The following GRM7 variants were observed in gnomAD, a reference collection of about 807,000 sequenced individuals.
GRM7 encodes glutamate metabotropic receptor 7, also known as metabotropic glutamate receptor 7.
GRM7 carries 35 observed loss-of-function variants against 84.5 expected under a neutral mutation model. That is an observed-to-expected ratio of 0.41 (90% CI 0.32 to 0.55). GRM7 has a LOEUF of 0.55. Ranked by LOEUF, GRM7 falls within the 20% of genes least tolerant of loss-of-function variation. The pLI is 0.19. For synonymous variants in GRM7, 487 were observed against 455.1 expected, an observed-to-expected ratio of 1.07 and a Z score of -0.89; for missense variants, 1,003 against 1,194.6, an observed-to-expected ratio of 0.84 and a Z score of 2.36.
At position 7,677,624 on chromosome 3, in the gene GRM7, A is replaced by C. The variant is rs1489965548; in HGVS notation, c.2452-2425A>C. Among the ~76,000 whole-genome samples the C allele has an allele frequency of 7.9e-5, 12 of 152,348 alleles. No homozygotes were observed. The East Asian group carries it at 2.1e-3, about 27-fold the overall frequency. On this transcript the variant is annotated intron_variant, in intron 8 of 9. Transcript: ENST00000357716. The stretch of plus-strand genomic sequence containing the variant: ...TTCGAAGTGTCACCAGAGACTGCAA[A>C]ATTTTTTAAATGAAAATCAAAGTCT...
chr3:7,297,747 T>C (rs183728292), intron 2 of GRM7, among the ~76,000 whole-genome samples: 1 of 152,356 alleles, frequency 6.6e-6, no homozygotes, highest in East Asian at 1.9e-4. Flanking sequence ...GTAAGGTTTT[T>C]TACCTGTCTC....
chr3:7,377,486 A>G (rs1694402138), intron 4 of GRM7, among the ~76,000 whole-genome samples: 1 of 152,200 alleles, frequency 6.6e-6, no homozygotes, highest in African/African-American at 2.4e-5. Flanking sequence ...ACGGGATATC[A>G]GTGATGAGAG....
At chr3:7,461,884 A>G (rs1371565829) in intron 7 of GRM7, among the ~76,000 whole-genome samples, 162 bp downstream of exon 7, 1 of 152,166 alleles carries the variant, frequency 6.6e-6, no homozygotes, top group African/African-American at 2.4e-5. Flanking sequence ...AATAATAATG[A>G]TGGTGATGAC....
intron 1 of GRM7, among the ~76,000 whole-genome samples, chr3:7,111,904 C>T (rs1485387943): frequency 6.6e-6 from 1 of 152,090 alleles, no homozygotes. Context: ...ACCAGCACCC[C>T]CCCACCCTCA....
chr3:7,609,085 T>C (rs1017624846), intron 8 of GRM7, among the ~76,000 whole-genome samples: 2 of 152,186 alleles, frequency 1.3e-5, no homozygotes, highest in African/African-American at 4.8e-5. Context: ...TGCCTGTTTT[T>C]GTACCAGTAT....
intron 2 of GRM7, among the ~76,000 whole-genome samples, chr3:7,269,549 A>G (rs897159160): frequency 6.6e-5 from 10 of 152,108 alleles, no homozygotes; most frequent in Non-Finnish European, 1.5e-4. Flanking sequence ...GGTGAGAACT[A>G]TTACTCTGAA....
chr3:6,907,740 G>GGA (rs1451695296), intron 1 of GRM7, among the ~76,000 whole-genome samples: 1 of 152,120 alleles, frequency 6.6e-6, no homozygotes, highest in African/African-American at 2.4e-5. Flanking sequence ...TGAGAGATAA[G>GGA]TTCTTTTAGA....
At chr3:7,080,919 C>G (rs1370182924) in intron 1 of GRM7, among the ~76,000 whole-genome samples, 1 of 151,982 alleles carries the variant, frequency 6.6e-6, no homozygotes, top group Non-Finnish European at 1.5e-5. Flanking sequence ...TAGTTCAATT[C>G]ATTCATTCAT....
intron 7 of GRM7, among the ~76,000 whole-genome samples, chr3:7,533,485 C>T (rs1459565950): frequency 2.6e-5 from 4 of 152,224 alleles, no homozygotes; most frequent in African/African-American, 7.2e-5. Context: ...ATCTCTGGGA[C>T]ACAACTAAAC....
At chr3:7,456,471 G>T (rs1388594273) in intron 6 of GRM7, among the ~76,000 whole-genome samples, 4 of 149,532 alleles carry the variant, frequency 2.7e-5, no homozygotes, top group African/African-American at 7.4e-5. Context: ...TAACAGATAA[G>T]GAAACTGATT....
At chr3:7,313,960 C>G (rs188785641) in intron 4 of GRM7, among the ~76,000 whole-genome samples, 194 of 151,758 alleles carry the variant, frequency 1.3e-3, no homozygotes, top group African/African-American at 4.5e-3. Flanking sequence ...AACAAATACC[C>G]TTTGTGTTGA....
At chr3:7,528,805 T>C (rs2125001378) in intron 7 of GRM7, among the ~76,000 whole-genome samples, 1 of 152,242 alleles carries the variant, frequency 6.6e-6, no homozygotes, top group East Asian at 1.9e-4. Flanking sequence ...TTGTTTAGTT[T>C]CCATGTAATT....
chr3:7,460,230 G>C (rs535883557), intron 6 of GRM7, among the ~76,000 whole-genome samples: 3 of 151,024 alleles, frequency 2.0e-5, no homozygotes, highest in African/African-American at 7.3e-5. Context: ...TCAATAGATG[G>C]TAATGATTTT....
rs1195040828 is a variant in GRM7, at chr3:7,359,331, CTCT to C, written c.1033+52681_1033+52683del. Among the ~76,000 whole-genome samples, 12 of 123,754 alleles carry C rather than the reference CTCT, an allele frequency of 9.7e-5. 2 individuals are homozygous for C. The highest frequency in any genetic ancestry group is 5.0e-4 in the Admixed American group (6 of 11,976). The allele number at this position is 123,754 out of a possible 152,430, so 81.2% of individuals were successfully genotyped here. A position where few individuals can be genotyped will look rare whatever the true frequency, so the allele number is the denominator to read the frequency against. ...AACTGAATCCTATTCACCCCTCCTC[CTCT>C]TTTTTTTTTTTTTTTTTTTGAGACA... On this transcript the variant is annotated intron_variant, in intron 4 of 9. Coordinates refer to ENST00000357716, the MANE Select transcript of GRM7 (RefSeq NM_000844.4).
chr3:7,031,387 T>A (rs965880441), intron 1 of GRM7, among the ~76,000 whole-genome samples: 1 of 151,196 alleles, frequency 6.6e-6, no homozygotes, highest in Admixed American at 6.6e-5. Context: ...CTCCAAATAC[T>A]TTTTTTAAAT....
chr3:7,337,254 T>C (rs1199894985), intron 4 of GRM7, among the ~76,000 whole-genome samples: 1 of 151,994 alleles, frequency 6.6e-6, no homozygotes, highest in Non-Finnish European at 1.5e-5. Flanking sequence ...TCTCACCTTA[T>C]ACAAAAATCA....
chr3:7,636,420 A>C (rs1274913143), intron 8 of GRM7: 4 of 395,272 alleles, frequency 1.0e-5, no homozygotes, highest in Non-Finnish European at 2.0e-5. Flanking sequence ...AAATGAGTAC[A>C]TGTTCACTCT....
At chr3:6,894,365 C>T (rs535668832) in intron 1 of GRM7, among the ~76,000 whole-genome samples, 2 of 152,120 alleles carry the variant, frequency 1.3e-5, no homozygotes, top group East Asian at 1.9e-4. Context: ...ATCAAATGTA[C>T]TGCAATAATG....
chr3:7,549,295 G>T (rs2125023722), intron 7 of GRM7, among the ~76,000 whole-genome samples: 1 of 152,166 alleles, frequency 6.6e-6, no homozygotes, highest in South Asian at 2.1e-4. Flanking sequence ...GAGTTTATTT[G>T]TATCTGTTGG....
Sources: gnomAD v4.1 joint callset for allele counts (sites outside exome capture counted in the v4.1 genomes callset) on GRCh38, gnomAD v4.1.1 for gene constraint, MANE v1.5 for transcripts, NCBI Gene and HGNC (gene_info 2026-07-23, HGNC 2026-07-21) for gene names.